GDE1: variants seen among roughly 807,000 people sequenced by gnomAD.
GDE1 encodes the protein RGS16-interacting membrane protein.
GDE1 carries 24 observed loss-of-function variants against 32.2 expected under a neutral mutation model. The ratio of observed to expected loss-of-function variants is 0.75; its 90% CI spans 0.54 to 1.05. The LOEUF is 1.05. Among genes scored for constraint, GDE1 ranks in the 50% least tolerant of loss-of-function variants. The pLI is 0.00. For synonymous variants in GDE1, 159 were observed against 158.6 expected (o/e 1.00, Z -0.02); for missense variants, 380 against 415.0 (o/e 0.92, Z 0.73).
At chr16:19,521,351 AC>A (rs1969450669) in intron 1 of GDE1, 1 of 235,332 alleles carries the variant, frequency 4.2e-6, no homozygotes, top group Non-Finnish European at 8.2e-6. Context: ...TCTTCATTGC[AC>A]CTTTCACTCT....
chr16:19,513,196 G>A (rs1969340682), intron 2 of GDE1, among the ~76,000 whole-genome samples: 1 of 152,070 alleles, frequency 6.6e-6, no homozygotes. Context: ...ATTATTTTGA[G>A]TAGAATGGTC....
At chr16:19,521,246 G>A (rs1167202541) in intron 1 of GDE1, 1 of 159,894 alleles carries the variant, frequency 6.3e-6, no homozygotes, top group Non-Finnish European at 1.4e-5. Flanking sequence ...TATAATTCCG[G>A]TTTCTGTTCA....
intron 1 of GDE1, among the ~76,000 whole-genome samples, chr16:19,518,069 G>A (rs887416344): frequency 6.6e-6 from 1 of 151,902 alleles, no homozygotes; most frequent in African/African-American, 2.4e-5. Context: ...TGTATTTTTT[G>A]TAGAGATGGG....
intron 4 of GDE1, among the ~76,000 whole-genome samples, chr16:19,507,358 G>A (rs1013282922): frequency 6.6e-6 from 1 of 152,064 alleles, no homozygotes; most frequent in Non-Finnish European, 1.5e-5. Context: ...CCATAATTAA[G>A]AATTTATTTT....
chr16:19,517,113 T>C lies in GDE1; in HGVS notation c.338A>G (p.Asp113Gly), dbSNP rs1969391258. 6.2e-7 allele frequency: 1 copy of C among 1,613,642 alleles called. No homozygotes were observed. Among genetic ancestry groups the C allele is most frequent in the African/African-American group, 1.3e-5 (1 of 75,054 alleles). The change falls in exon 2 of 6, where the codon GAT becomes GGT. Residue 113 changes from aspartate (D) to glycine (G), a missense_variant. Physicochemically the swap from Asp to Gly is moderately conservative, Grantham distance 94. Coordinates refer to ENST00000353258, the MANE Select transcript of GDE1 (RefSeq NM_016641.4). ...TSDGIPVLMHDNTVDRTTDGT... is the reference protein window; with the variant it reads ...TSDGIPVLMHGNTVDRTTDGT... ...ATCAGTCGTCCTATCTACTGTGTTA[T>C]CGTGCATTAAGACAGGAATCCCGTC...
chr16:19,503,641 C>A, intron 5 of GDE1, 24 bp from the exon 6 acceptor site: 2 of 1,604,542 alleles, frequency 1.2e-6, no homozygotes. Flanking sequence ...AAAGCCAATC[C>A]TGTTAGAATA....
rs1027374306 is a variant in GDE1 at position 19,502,251 on chromosome 16, C to T, written c.*1219G>A. ...TTTATGAAGTACCTCAGTTCTTCAT[C>T]AGTAGAAAGAGTGCTAACACCTCCA... On this transcript the variant is annotated 3_prime_UTR_variant, in exon 6 of 6. Coordinates refer to ENST00000353258, the MANE Select transcript of GDE1 (RefSeq NM_016641.4). 1 of 151,870 alleles carries T rather than the reference C, an allele frequency of 6.6e-6. No individual in the cohort carries two copies. Among genetic ancestry groups the T allele is most frequent in the African/African-American group, 2.4e-5 (1 of 41,314 alleles). 9.4% of individuals were successfully genotyped at this position (151,870 alleles called of 1,614,324 possible). A position where few individuals can be genotyped will look rare whatever the true frequency, so the allele number is the denominator to read the frequency against.
intron 3 of GDE1, among the ~76,000 whole-genome samples, chr16:19,508,743 C>A (rs760280992): frequency 2.0e-5 from 3 of 152,054 alleles, no homozygotes; most frequent in Non-Finnish European, 2.9e-5. Flanking sequence ...CCCATTTTAC[C>A]CATGAAGAAA....
chr16:19,505,171 C>CTCAA, intron 4 of GDE1, 79 bp from the exon 5 acceptor site: 1 of 984,130 alleles, frequency 1.0e-6, no homozygotes, highest in Middle Eastern at 2.1e-4. Flanking sequence ...AGCCAATGTG[C>CTCAA]TCAATCAGAT....
intron 2 of GDE1, among the ~76,000 whole-genome samples, chr16:19,515,701 G>A (rs1409471772): frequency 2.0e-5 from 3 of 152,124 alleles, no homozygotes; most frequent in Non-Finnish European, 4.4e-5. Context: ...CCTGCCTACA[G>A]TATGACTTCC....
intron 4 of GDE1, among the ~76,000 whole-genome samples, chr16:19,507,310 G>A (rs1969260758): frequency 6.6e-6 from 1 of 151,946 alleles, no homozygotes; most frequent in Non-Finnish European, 1.5e-5. Flanking sequence ...TAAAGGGGGG[G>A]TACACTACTA....
At chr16:19,503,893 C>G in intron 5 of GDE1, 1 of 339,122 alleles carries the variant, frequency 2.9e-6, no homozygotes, top group East Asian at 4.6e-5. Context: ...TGACCTGGCC[C>G]CGACCTGTCT....
At chr16:19,516,053 G>C (rs1969376791) in intron 2 of GDE1, among the ~76,000 whole-genome samples, 1 of 152,158 alleles carries the variant, frequency 6.6e-6, no homozygotes, top group African/African-American at 2.4e-5. Context: ...AGCTGATGTG[G>C]ACTGTTTATC....
chr16:19,508,730 AT>A (rs35973000), intron 3 of GDE1, among the ~76,000 whole-genome samples: 54,953 of 151,950 alleles, frequency 0.36, 11,412 homozygotes, highest in East Asian at 0.56. Flanking sequence ...TGCTTTTAGT[AT>A]CCCCATTTTA....
intron 3 of GDE1, among the ~76,000 whole-genome samples, chr16:19,510,337 T>C (rs1309886511): frequency 2.0e-5 from 3 of 152,210 alleles, no homozygotes; most frequent in Admixed American, 6.5e-5. Flanking sequence ...ATATAAATTA[T>C]ACAAAGGGAT....
intron 4 of GDE1, among the ~76,000 whole-genome samples, chr16:19,505,838 C>T (rs370260386): frequency 5.1e-4 from 77 of 152,058 alleles, no homozygotes; most frequent in African/African-American, 1.7e-3. Context: ...AAGAATGCTA[C>T]GGAACCAGCT....
intron 1 of GDE1, 98 bp downstream of exon 1, chr16:19,521,606 T>C (rs969405060): frequency 2.2e-6 from 3 of 1,365,148 alleles, no homozygotes; most frequent in Middle Eastern, 1.9e-4. Flanking sequence ...AATGAGGAAG[T>C]GGGAAGGCCG....
At chr16:19,514,866 A>G (rs1969360890) in intron 2 of GDE1, among the ~76,000 whole-genome samples, 1 of 152,148 alleles carries the variant, frequency 6.6e-6, no homozygotes, top group Non-Finnish European at 1.5e-5. Flanking sequence ...CAGGAGTTCG[A>G]GACCAGCCTG....
intron 2 of GDE1, among the ~76,000 whole-genome samples, chr16:19,514,322 G>A (rs1392738724): frequency 1.3e-5 from 2 of 152,150 alleles, no homozygotes; most frequent in African/African-American, 4.8e-5. Flanking sequence ...CCCTTTCTGA[G>A]TGCTCCATCA....
Sources: gnomAD v4.1 joint callset for allele counts (sites outside exome capture counted in the v4.1 genomes callset) on GRCh38, gnomAD v4.1.1 for gene constraint, MANE v1.5 for transcripts, NCBI Gene and HGNC (gene_info 2026-07-23, HGNC 2026-07-21) for gene names.